The following DYNC2H1 variants were observed in gnomAD, a reference collection of about 807,000 sequenced individuals.
The protein encoded by DYNC2H1 is cytoplasmic dynein 2 heavy chain 1.
In DYNC2H1, 410 loss-of-function variants were observed where a neutral mutation model predicts 570.0. The observed-to-expected ratio is 0.72, with a 90% CI of 0.66 to 0.78. The LOEUF is 0.78. Ranked by LOEUF, DYNC2H1 falls within the 30% of genes least tolerant of loss-of-function variation. DYNC2H1 has a pLI of 0.00. For synonymous variants in DYNC2H1, 1,688 were observed against 1,677.6 expected (o/e 1.01, Z -0.15); for missense variants, 4,865 against 5,046.4 (o/e 0.96, Z 1.09).
In DYNC2H1 at chr11:103,256,753, A is replaced by G. The variant is rs1865073091; in HGVS notation, c.10461+513A>G. Among the ~76,000 whole-genome samples, 1 of 152,120 alleles carries G rather than the reference A, an allele frequency of 6.6e-6. No homozygotes were observed. The highest frequency in any genetic ancestry group is 1.5e-5 in the Non-Finnish European group (1 of 68,018). ...TAGTTCCATCAGTGTTCTTATTGTC[A>G]CCAATCCTATACTCATAGTTCGAAC... is the stretch of plus-strand genomic sequence containing the variant. On this transcript the variant is annotated intron_variant, in intron 68 of 88. Transcript: ENST00000375735. This position sits in a 1 kb window ranked among gnomAD's most constrained non-coding sequence, Gnocchi z 4.0.
chr11:103,223,282 C>A (rs773545775), intron 59 of DYNC2H1, among the ~76,000 whole-genome samples, 196 bp downstream of exon 59: 1 of 152,010 alleles, frequency 6.6e-6, no homozygotes, highest in Non-Finnish European at 1.5e-5. Flanking sequence ...GAGAGAAGAA[C>A]CAACTCACTT....
At chr11:103,376,717 T>G (rs985924903) in intron 83 of DYNC2H1, among the ~76,000 whole-genome samples, 1 of 152,242 alleles carries the variant, frequency 6.6e-6, no homozygotes. Context: ...GATTGAAAGA[T>G]TTACATAGCA....
Position 103,324,876 on chromosome 11 carries a change from T to A in DYNC2H1, c.12039+886T>A, listed in dbSNP as rs1364155605. 6.6e-6 allele frequency among the ~76,000 whole-genome samples: 1 copy of A among 152,194 alleles called. No individual in the cohort carries two copies. The highest frequency in any genetic ancestry group is 2.4e-5 in the African/African-American group (1 of 41,452). On this transcript the variant is annotated intron_variant, in intron 82 of 88. Coordinates refer to ENST00000375735, the MANE Select transcript of DYNC2H1 (RefSeq NM_001377.3). This position sits in a 1 kb window ranked among gnomAD's most constrained non-coding sequence, Gnocchi z 5.2. Reference sequence around the variant, plus strand: ...TCTCTGCAACCTTGCCAGCACCTGTTATTTTTTGACTTTTTAATAATAGCC... The same window carrying A: ...TCTCTGCAACCTTGCCAGCACCTGTAATTTTTTGACTTTTTAATAATAGCC...
chr11:103,340,321 C>A (rs998307659), intron 82 of DYNC2H1, among the ~76,000 whole-genome samples: 1 of 151,854 alleles, frequency 6.6e-6, no homozygotes, highest in African/African-American at 2.4e-5. Context: ...GATAGGGAAG[C>A]CTGAATGATA....
intron 80 of DYNC2H1, among the ~76,000 whole-genome samples, chr11:103,318,544 C>T (rs1341414885): frequency 6.6e-6 from 1 of 152,082 alleles, no homozygotes; most frequent in Non-Finnish European, 1.5e-5. Flanking sequence ...TGTTGATGGA[C>T]ATGCTGGTAG....
intron 88 of DYNC2H1, among the ~76,000 whole-genome samples, chr11:103,474,696 C>CTATT (rs1403340357): frequency 6.6e-6 from 1 of 151,960 alleles, no homozygotes; most frequent in Admixed American, 6.6e-5. Context: ...TACAATTATT[C>CTATT]TATTTTATTA....
rs1858652944 is a variant in DYNC2H1 at position 103,120,582 on chromosome 11, G to T, written c.1134+1G>T. On this transcript the variant is annotated splice_donor_variant, in intron 7 of 88. Coordinates refer to ENST00000375735, the MANE Select transcript of DYNC2H1 (RefSeq NM_001377.3). LOFTEE classifies it high-confidence loss of function. The stretch of plus-strand genomic sequence containing the variant: ...TGTGCAATATAATCCATATACTGAG[G>T]TTGTATATATATTTGTTTATGTCTG... 2 of 1,608,866 alleles carry T rather than the reference G, an allele frequency of 1.2e-6. No homozygotes were observed. The highest frequency in any genetic ancestry group is 1.3e-5 in the African/African-American group (1 of 74,660).
In DYNC2H1 at chr11:103,185,651, T is replaced by C. The variant is rs1425457149; in HGVS notation, c.6634-591T>C. ...ATAGTGTCATTTACTGCTTTCTCTA[T>C]TCCGTCTCCCTTTCCATGGCTGTCC... On this transcript the variant is annotated intron_variant, in intron 41 of 88. Coordinates refer to ENST00000375735, the MANE Select transcript of DYNC2H1 (RefSeq NM_001377.3). The surrounding 1 kb of genome is among the most constrained non-coding windows in gnomAD (Gnocchi z 4.5). Among the ~76,000 whole-genome samples the C allele has an allele frequency of 1.3e-5, 2 of 151,908 alleles. No homozygotes were observed. The highest frequency in any genetic ancestry group is 6.6e-5 in the Admixed American group (1 of 15,192).
Position 103,204,793 on chromosome 11 carries a change from T to G in DYNC2H1, c.8312-29T>G. 2 of 1,547,340 alleles carry G rather than the reference T, an allele frequency of 1.3e-6. No homozygotes were observed. The highest frequency in any genetic ancestry group is 1.8e-6 in the Non-Finnish European group (2 of 1,141,918). Reference sequence around the variant, plus strand: ...CCCAGACCACGTATAGATTGCCTGATTGTATTATTATTCTTATATATTTCT... The same window carrying G: ...CCCAGACCACGTATAGATTGCCTGAGTGTATTATTATTCTTATATATTTCT... On this transcript the variant is annotated intron_variant, in intron 51 of 88. Coordinates refer to ENST00000375735, the MANE Select transcript of DYNC2H1 (RefSeq NM_001377.3). This position sits in a 1 kb window ranked among gnomAD's most constrained non-coding sequence, Gnocchi z 4.1.
In DYNC2H1 at chr11:103,174,596, C is replaced by G. The variant is rs1192571382; in HGVS notation, c.5674+426C>G. Among the ~76,000 whole-genome samples the G allele has an allele frequency of 3.3e-5, 5 of 152,242 alleles. No individual in the cohort carries two copies. The East Asian group carries it at 9.6e-4, about 29-fold the overall frequency. On this transcript the variant is annotated intron_variant, in intron 36 of 88. Transcript: ENST00000375735. The stretch of plus-strand genomic sequence containing the variant: ...TGTAGAGTAGAGCCTGATAATTTGT[C>G]TTGTCTTGAAACAAGAACAGAAACC...
At chr11:103,165,042 A>G (rs1448440231) in intron 30 of DYNC2H1, among the ~76,000 whole-genome samples, 3 of 152,312 alleles carry the variant, frequency 2.0e-5, no homozygotes, top group East Asian at 3.9e-4. Flanking sequence ...TTCATACCAC[A>G]AAGTTTGTTT....
At chr11:103,389,412 C>T (rs1942036318) in intron 83 of DYNC2H1, among the ~76,000 whole-genome samples, 1 of 152,072 alleles carries the variant, frequency 6.6e-6, no homozygotes, top group African/African-American at 2.4e-5. Context: ...GTGTTGCTAG[C>T]AGTCTATCAA....
In DYNC2H1 at chr11:103,459,454, C is replaced by T. The variant is rs112628007; in HGVS notation, c.12648+3098C>T. Among the ~76,000 whole-genome samples, 288 of 151,976 alleles carry T rather than the reference C, an allele frequency of 1.9e-3. 1 individual carries two copies. Among genetic ancestry groups the T allele is most frequent in the Middle Eastern group, 3.4e-3 (1 of 294 alleles). ...TCTTATTCTAGTAGAATGTAAGTCC[C>T]GCAAGAGTAGTAACAATAGCCGTTA... On this transcript the variant is annotated intron_variant, in intron 87 of 88. Coordinates refer to ENST00000375735, the MANE Select transcript of DYNC2H1 (RefSeq NM_001377.3).
At chr11:103,120,619 G>GT (rs757604959) in intron 7 of DYNC2H1, 38 bp downstream of exon 7, 1 of 1,595,118 alleles carries the variant, frequency 6.3e-7, no homozygotes. Flanking sequence ...ACAGTTTCCT[G>GT]TTTATGTTGT....
chr11:103,470,011 A>AG (rs1945321883), intron 88 of DYNC2H1, among the ~76,000 whole-genome samples: 1 of 152,042 alleles, frequency 6.6e-6, no homozygotes, highest in Admixed American at 6.6e-5. Context: ...GATCATGAGG[A>AG]GGAAAAAAAA....
Position 103,215,876 on chromosome 11 carries a change from C to G in DYNC2H1, c.8832+18C>G, listed in dbSNP as rs1436086628. On this transcript the variant is annotated intron_variant, in intron 55 of 88. Coordinates refer to ENST00000375735, the MANE Select transcript of DYNC2H1 (RefSeq NM_001377.3). ...CAATGCAGGTAATGTTTAGAGTGACCACAAAAATGAAAACAATATGGAGAG... is the reference window on the plus strand; with the variant it reads ...CAATGCAGGTAATGTTTAGAGTGACGACAAAAATGAAAACAATATGGAGAG... 40 of 1,600,454 alleles carry G rather than the reference C, an allele frequency of 2.5e-5. No homozygotes were observed. The highest frequency in any genetic ancestry group is 3.2e-5 in the Non-Finnish European group (37 of 1,174,246).
chr11:103,467,630 C>T (rs1366868179), intron 87 of DYNC2H1, among the ~76,000 whole-genome samples: 2 of 152,118 alleles, frequency 1.3e-5, no homozygotes, highest in African/African-American at 4.8e-5. Context: ...CTCCGCTTCC[C>T]GGATTCACTC....
intron 84 of DYNC2H1, among the ~76,000 whole-genome samples, chr11:103,433,744 C>T (rs545447212): frequency 8.7e-4 from 132 of 152,210 alleles, no homozygotes; most frequent in South Asian, 1.9e-3. Flanking sequence ...ATAAAATTGT[C>T]ATTTAAATCA....
chr11:103,456,212 T>C (rs1185878352), intron 86 of DYNC2H1, 63 bp from the exon 87 acceptor site: 4 of 1,262,064 alleles, frequency 3.2e-6, no homozygotes, highest in South Asian at 1.5e-5. Flanking sequence ...TATCTTCAGT[T>C]ACTCTTCATA....
Sources: allele counts gnomAD v4.1 joint callset (sites outside exome capture counted in the v4.1 genomes callset), GRCh38; gene constraint gnomAD v4.1.1; non-coding constraint Gnocchi (gnomAD v3.1); transcripts MANE v1.5; gene names NCBI Gene and HGNC (gene_info 2026-07-23, HGNC 2026-07-21).